GUCY1B1: variants seen among roughly 807,000 people sequenced by gnomAD.
The protein encoded by GUCY1B1 is guanylate cyclase 1 soluble subunit beta 1.
GUCY1B1 carries 43 observed loss-of-function variants against 71.0 expected under a neutral mutation model. That is an observed-to-expected ratio of 0.61 (90% confidence interval 0.47 to 0.78). GUCY1B1 has a LOEUF of 0.78. Among genes scored for constraint, GUCY1B1 ranks in the 30% least tolerant of loss-of-function variants. The pLI, the probability that GUCY1B1 is intolerant of heterozygous loss-of-function variation, is 0.00. For synonymous variants in GUCY1B1, 266 were observed against 259.7 expected (o/e 1.02, Z -0.23); for missense variants, 535 against 754.1 (o/e 0.71, Z 3.40).
intron 7 of GUCY1B1, 57 bp downstream of exon 7, chr4:155,795,514 T>C (rs948445861): frequency 2.5e-6 from 2 of 814,240 alleles, no homozygotes; most frequent in African/African-American, 3.4e-5. Context: ...ATTAGAAGTA[T>C]TCAGGGGGGA....
rs1300214077 is a variant in GUCY1B1, at chr4:155,807,418, C to T, written c.*1009C>T. 2 of 152,106 alleles carry T rather than the reference C, an allele frequency of 1.3e-5. No homozygotes were observed. The highest frequency in any genetic ancestry group is 2.9e-5 in the Non-Finnish European group (2 of 68,012). 9.4% of individuals were successfully genotyped at this position (152,106 alleles called of 1,614,324 possible). A position where few individuals can be genotyped will look rare whatever the true frequency, so the allele number is the denominator to read the frequency against. The stretch of plus-strand genomic sequence containing the variant: ...CTGTTGGAATAATTGGCCTCTAGCT[C>T]TTAAATGTCTCTGATAACTTATTAA... On this transcript the variant is annotated 3_prime_UTR_variant, in exon 14 of 14. Transcript: ENST00000264424.
intron 5 of GUCY1B1, among the ~76,000 whole-genome samples, chr4:155,792,899 G>A (rs1739276523): frequency 6.6e-6 from 1 of 151,948 alleles, no homozygotes; most frequent in Non-Finnish European, 1.5e-5. Flanking sequence ...TCACAATTAC[G>A]ATTACTTCTT....
intron 2 of GUCY1B1, chr4:155,772,690 G>A (rs1487539191): frequency 4.3e-6 from 3 of 702,224 alleles, no homozygotes; most frequent in Non-Finnish European, 7.8e-6. Context: ...AAAGTGCTGG[G>A]ATAACAGGCA....
At chr4:155,797,488 C>T (rs1739633754) in intron 8 of GUCY1B1, among the ~76,000 whole-genome samples, 1 of 151,822 alleles carries the variant, frequency 6.6e-6, no homozygotes, top group Non-Finnish European at 1.5e-5. Context: ...ACCTGTAATC[C>T]CAGCACTTTC....
At chr4:155,787,436 T>C (rs551395144) in intron 4 of GUCY1B1, among the ~76,000 whole-genome samples, 1 of 152,092 alleles carries the variant, frequency 6.6e-6, no homozygotes, top group South Asian at 2.1e-4. Flanking sequence ...GTTGAGGAGG[T>C]CATTGAATCA....
At chr4:155,767,793 C>T (rs1561002139) in intron 2 of GUCY1B1, among the ~76,000 whole-genome samples, 1 of 152,072 alleles carries the variant, frequency 6.6e-6, no homozygotes, top group Non-Finnish European at 1.5e-5. Context: ...AACTTAGAGG[C>T]TATTCATGCT....
chr4:155,783,943 T>C (rs1308358806), intron 4 of GUCY1B1, among the ~76,000 whole-genome samples: 1 of 152,172 alleles, frequency 6.6e-6, no homozygotes, highest in Non-Finnish European at 1.5e-5. Flanking sequence ...AGATAAGAAG[T>C]ATTCCAGAAT....
intron 2 of GUCY1B1, chr4:155,772,703 A>G: frequency 1.4e-6 from 1 of 702,460 alleles, no homozygotes. Flanking sequence ...AACAGGCATG[A>G]GCCAACCTGC....
intron 4 of GUCY1B1, among the ~76,000 whole-genome samples, chr4:155,785,843 T>C (rs1010131953): frequency 6.6e-6 from 1 of 152,194 alleles, no homozygotes; most frequent in East Asian, 1.9e-4. Flanking sequence ...GTTCAATCTT[T>C]TATGATTCAG....
At chr4:155,761,104 G>A (rs1736970930) in intron 2 of GUCY1B1, among the ~76,000 whole-genome samples, 1 of 152,068 alleles carries the variant, frequency 6.6e-6, no homozygotes, top group Non-Finnish European at 1.5e-5. Context: ...TATCCACAGG[G>A]CATATTACCT....
chr4:155,807,389 A>G lies in GUCY1B1; in HGVS notation c.*980A>G, dbSNP rs1275697114. Reference sequence around the variant, plus strand: ...TTAGTTTACTTTCAGCATAGAATGCATTACTGTTGGAATAATTGGCCTCTA... The same window carrying G: ...TTAGTTTACTTTCAGCATAGAATGCGTTACTGTTGGAATAATTGGCCTCTA... On this transcript the variant is annotated 3_prime_UTR_variant, in exon 14 of 14. Transcript: ENST00000264424. The G allele has an allele frequency of 1.3e-5, 2 of 152,190 alleles. No homozygotes were observed. The highest frequency in any genetic ancestry group is 2.9e-5 in the Non-Finnish European group (2 of 68,026). The allele number at this position is 152,190 out of a possible 1,614,324, so 9.4% of individuals were successfully genotyped here.
chr4:155,801,432 C>T (rs999173544), intron 9 of GUCY1B1, among the ~76,000 whole-genome samples: 2 of 152,100 alleles, frequency 1.3e-5, no homozygotes, highest in African/African-American at 4.8e-5. Context: ...TTTTACTGTT[C>T]ATACTTACTA....
intron 6 of GUCY1B1, 50 bp from the exon 7 acceptor site, chr4:155,795,291 A>T: frequency 1.1e-6 from 1 of 896,490 alleles, no homozygotes; most frequent in African/African-American, 1.7e-5. Context: ...TCAAAGTATA[A>T]AAACTATTTT....
At chr4:155,777,448 AC>A (rs1251616675) in intron 3 of GUCY1B1, 75 bp from the exon 4 acceptor site, 2 of 815,676 alleles carry the variant, frequency 2.5e-6, no homozygotes, top group African/African-American at 3.4e-5. Flanking sequence ...CTTAATAAAC[AC>A]TTATCTTCAT....
chr4:155,796,351 T>TA, intron 7 of GUCY1B1, 26 bp from the exon 8 acceptor site: 1 of 1,605,278 alleles, frequency 6.2e-7, no homozygotes, highest in African/African-American at 1.3e-5. Context: ...AGGCATTCAT[T>TA]AATGGTTGTA....
At chr4:155,797,427 A>G (rs927396599) in intron 8 of GUCY1B1, among the ~76,000 whole-genome samples, 3 of 152,152 alleles carry the variant, frequency 2.0e-5, no homozygotes, top group African/African-American at 7.2e-5. Context: ...TTACATAACA[A>G]TAATATATAA....
chr4:155,767,162 CT>C (rs1232798614), intron 2 of GUCY1B1, among the ~76,000 whole-genome samples: 1 of 152,182 alleles, frequency 6.6e-6, no homozygotes, highest in African/African-American at 2.4e-5. Context: ...TAACCTTCTT[CT>C]TTCCAAAGAC....
intron 7 of GUCY1B1, 62 bp downstream of exon 7, chr4:155,795,519 G>A: frequency 1.3e-6 from 1 of 787,280 alleles, no homozygotes; most frequent in Middle Eastern, 2.4e-4. Context: ...AAGTATTCAG[G>A]GGGGAAAATT....
chr4:155,802,568 T>C lies in GUCY1B1; in HGVS notation c.1402T>C (p.Phe468Leu). Residue 468 changes from phenylalanine to leucine, a missense_variant, in exon 10 of 14, where the codon TTT (phenylalanine) becomes CTT (leucine). By Grantham distance (22) the Phe-to-Leu change is conservative (BLOSUM62 0). Coordinates refer to ENST00000264424, the MANE Select transcript of GUCY1B1 (RefSeq NM_000857.5). This position sits in a 1 kb window ranked among gnomAD's most constrained non-coding sequence, Gnocchi z 4.3. The stretch of plus-strand genomic sequence containing the variant: ...ACTGACTGATTCCCGGAAAAACCCA[T>C]TTGTTTATAAGGCAAGTGTTCTTTA... Reference protein sequence around the residue: ...DTLTDSRKNPFVYKVETVGDK... With the variant: ...DTLTDSRKNPLVYKVETVGDK... 1 of 1,596,434 alleles carries C rather than the reference T, an allele frequency of 6.3e-7. No individual in the cohort carries two copies. The highest frequency in any genetic ancestry group is 8.5e-7 in the Non-Finnish European group (1 of 1,171,644).
Sources: gnomAD v4.1 joint callset for allele counts (sites outside exome capture counted in the v4.1 genomes callset) on GRCh38, gnomAD v4.1.1 for gene constraint, Gnocchi (gnomAD v3.1) non-coding constraint, MANE v1.5 for transcripts, NCBI Gene and HGNC (gene_info 2026-07-23, HGNC 2026-07-21) for gene names.